FAAH2: variants seen among roughly 807,000 people sequenced by gnomAD.
The protein encoded by FAAH2 is fatty-acid amide hydrolase 2.
A neutral mutation model predicts 36.9 loss-of-function variants in FAAH2; 60 were observed. That is an observed-to-expected ratio of 1.63 (90% CI 1.32 to 2.02). The LOEUF is 2.02. Ranked by LOEUF, FAAH2 falls within the 30% of genes most tolerant of loss-of-function variation. FAAH2 has a pLI of 0.00. For synonymous variants in FAAH2, 214 were observed against 143.8 expected (o/e 1.49, Z -3.49); for missense variants, 689 against 397.5 (o/e 1.73, Z -6.23).
intron 7 of FAAH2, among the ~76,000 whole-genome samples, chrX:57,406,403 G>T (rs1415912723): frequency 1.8e-5 from 2 of 111,657 alleles, no homozygotes; most frequent in African/African-American, 3.3e-5. Context: ...GTAGAGTAGG[G>T]GATGCGTAAG....
Position 57,291,366 on chromosome X carries a change from C to A in FAAH2, c.193-1132C>A, listed in dbSNP as rs185265288. Among the ~76,000 whole-genome samples, 4 of 112,082 alleles carry A rather than the reference C, an allele frequency of 3.6e-5. No homozygotes were observed. The East Asian group carries it at 1.1e-3, about 31-fold the overall frequency. ...AGGTTTCAGTTTTAAAATTTGCTTT[C>A]TCTAATATTAATGATACCACCTCTC... On this transcript the variant is annotated intron_variant, in intron 1 of 10. Transcript: ENST00000374900.
chrX:57,131,324 A>G, the FAAH2 span, among the ~76,000 whole-genome samples: 1 of 109,383 alleles, frequency 9.1e-6, no homozygotes, highest in Admixed American at 9.7e-5. Flanking sequence ...TGACCTCATG[A>G]TCCACCCGCC....
intron 3 of FAAH2, among the ~76,000 whole-genome samples, chrX:57,329,701 C>A (rs2053341790): frequency 9.1e-6 from 1 of 109,919 alleles, no homozygotes; most frequent in Non-Finnish European, 1.9e-5. Context: ...TGCATGTAGG[C>A]AAAGTGGCAC....
At chrX:57,287,505 T>C (rs1877506609) in intron 1 of FAAH2, among the ~76,000 whole-genome samples, 1 of 112,208 alleles carries the variant, frequency 8.9e-6, no homozygotes, top group Non-Finnish European at 1.9e-5. Flanking sequence ...ATATATTTAT[T>C]GCATAGTATA....
intron 7 of FAAH2, chrX:57,381,556 C>A: frequency 1.4e-6 from 1 of 689,805 alleles, no homozygotes; most frequent in Non-Finnish European, 1.7e-6. Flanking sequence ...CAGCTTATTA[C>A]GTGGAAGCAA....
At chrX:57,231,034 AGTGTGTGTGTGTGT>A in the FAAH2 span, among the ~76,000 whole-genome samples, 1 of 94,457 alleles carries the variant, frequency 1.1e-5, no homozygotes, top group African/African-American at 4.0e-5. Context: ...CTCCAAAGGA[AGTGTGTGTGTGTGT>A]GTGTGTGTGT....
chrX:57,290,220 G>A (rs1188634764), intron 1 of FAAH2: 80 of 694,283 alleles, frequency 1.2e-4, no homozygotes, highest in Admixed American at 4.4e-4. Flanking sequence ...TTTTTCTCAC[G>A]TGCTGCATGC....
chrX:57,171,174 G>A, the FAAH2 span, among the ~76,000 whole-genome samples: 4 of 111,600 alleles, frequency 3.6e-5, no homozygotes, highest in Admixed American at 1.9e-4. Context: ...GGGCCCTTAG[G>A]TTGATTCCAT....
the FAAH2 span, among the ~76,000 whole-genome samples, chrX:57,152,942 G>A: frequency 9.4e-6 from 1 of 106,670 alleles, no homozygotes; most frequent in Admixed American, 9.7e-5. Context: ...TTGATGACCT[G>A]TCTAGTGCTG....
Position 57,368,482 on chromosome X carries a change from G to A in FAAH2, c.743-10169G>A, listed in dbSNP as rs777581793. Reference sequence around the variant, plus strand: ...CTCTCTTGGCACACAAAAGAGCTTGGTGGCATACCCCATGGAACAACACAC... The same window carrying A: ...CTCTCTTGGCACACAAAAGAGCTTGATGGCATACCCCATGGAACAACACAC... On this transcript the variant is annotated intron_variant, in intron 5 of 10. Coordinates refer to ENST00000374900, the MANE Select transcript of FAAH2 (RefSeq NM_174912.4). Among the ~76,000 whole-genome samples, 9 of 111,326 alleles carry A rather than the reference G, an allele frequency of 8.1e-5. No individual in the cohort carries two copies. The East Asian group carries it at 1.7e-3, about 21-fold the overall frequency.
At chrX:57,281,605 G>C in the FAAH2 span, among the ~76,000 whole-genome samples, 2 of 111,606 alleles carry the variant, frequency 1.8e-5, no homozygotes, top group Admixed American at 1.9e-4. Context: ...TACATGTATA[G>C]GTTTGATATA....
At chrX:57,340,729 G>A (rs928496263) in intron 4 of FAAH2, among the ~76,000 whole-genome samples, 2 of 111,401 alleles carry the variant, frequency 1.8e-5, no homozygotes, top group African/African-American at 6.5e-5. Flanking sequence ...CTTATAAGTG[G>A]GATGGGAGCT....
chrX:57,473,084 T>A (rs1324650096), intron 10 of FAAH2, among the ~76,000 whole-genome samples: 2 of 111,097 alleles, frequency 1.8e-5, no homozygotes, highest in African/African-American at 6.5e-5. Flanking sequence ...TTGGATTTGG[T>A]TTGTTCATGT....
chrX:57,196,630 G>A, the FAAH2 span, among the ~76,000 whole-genome samples: 2 of 111,816 alleles, frequency 1.8e-5, no homozygotes, highest in Admixed American at 9.5e-5. Context: ...GGACATTCCT[G>A]TCTTGTTTCA....
intron 2 of FAAH2, among the ~76,000 whole-genome samples, chrX:57,299,711 C>G (rs1377678736): frequency 1.8e-5 from 2 of 111,355 alleles, no homozygotes; most frequent in African/African-American, 6.5e-5. Flanking sequence ...AAAACCCCAT[C>G]ATCTCAGCCC....
At chrX:57,291,181 G>A (rs910684862) in intron 1 of FAAH2, among the ~76,000 whole-genome samples, 1 of 111,355 alleles carries the variant, frequency 9.0e-6, no homozygotes, top group Non-Finnish European at 1.9e-5. Context: ...TTTACTCCTT[G>A]GTCTGTGAGT....
chrX:57,137,417 G>C, the FAAH2 span: 1 of 719,035 alleles, frequency 1.4e-6, no homozygotes, highest in Non-Finnish European at 1.6e-6. Flanking sequence ...GGTGTCCCCA[G>C]CGCTTCGCTC....
the FAAH2 span, among the ~76,000 whole-genome samples, chrX:57,213,177 T>G: frequency 9.0e-6 from 1 of 111,665 alleles, no homozygotes; most frequent in African/African-American, 3.3e-5. Context: ...AGTTGTAATG[T>G]CTCCTTTTAA....
the FAAH2 span, among the ~76,000 whole-genome samples, chrX:57,223,915 A>C: frequency 9.0e-6 from 1 of 111,597 alleles, no homozygotes; most frequent in East Asian, 2.8e-4. Context: ...TATAGGCCTC[A>C]ATTCTCAGGC....
Sources: gnomAD v4.1 joint callset for allele counts (sites outside exome capture counted in the v4.1 genomes callset) on GRCh38, gnomAD v4.1.1 for gene constraint, MANE v1.5 for transcripts, NCBI Gene and HGNC (gene_info 2026-07-23, HGNC 2026-07-21) for gene names.